Variants in CELF2 observed in about 807,000 individuals in gnomAD.
The protein encoded by CELF2 is CUGBP Elav-like family member 2.
A neutral mutation model predicts 62.6 loss-of-function variants in CELF2; 8 were observed. That is an observed-to-expected ratio of 0.13 (90% CI 0.07 to 0.23). CELF2 has a LOEUF of 0.23. Ranked by LOEUF, CELF2 falls within the 10% of genes least tolerant of loss-of-function variation. CELF2 has a pLI of 1.00. For synonymous variants in CELF2, 258 were observed against 250.0 expected (o/e 1.03, Z -0.30); for missense variants, 333 against 671.0 (o/e 0.50, Z 5.56).
In CELF2 at chr10:11,285,982, G is replaced by T. The variant is rs2091191482; in HGVS notation, c.842-2436G>T. Among the ~76,000 whole-genome samples, 1 of 152,248 alleles carries T rather than the reference G, an allele frequency of 6.6e-6. No individual in the cohort carries two copies. Among genetic ancestry groups the T allele is most frequent in the African/African-American group, 2.4e-5 (1 of 41,542 alleles). ...TACATATAAATAATGTCAACATAGGGTATGATGAGAGCCACGAAAGAGTTA... is the reference window on the plus strand; with the variant it reads ...TACATATAAATAATGTCAACATAGGTTATGATGAGAGCCACGAAAGAGTTA... On this transcript the variant is annotated intron_variant, in intron 8 of 12. Coordinates refer to ENST00000633077, the MANE Select transcript of CELF2 (RefSeq NM_001326342.2). This position sits in a 1 kb window ranked among gnomAD's most constrained non-coding sequence, Gnocchi z 4.3.
intron 2 of CELF2, among the ~76,000 whole-genome samples, chr10:10,921,857 G>T (rs1050229683): frequency 3.1e-4 from 47 of 152,304 alleles, no homozygotes; most frequent in African/African-American, 1.1e-3. Flanking sequence ...CGCCTGGCTC[G>T]TGCCTTAGTT....
At position 11,289,181 on chromosome 10, in the gene CELF2, G is replaced by GT. The variant is rs201446310; in HGVS notation, c.976+638dup. ...ATACCGTGATTTGAGGTTTTGTTTT[G>GT]TTTTTTTTTAATTTAAAAAAGTCGA... On this transcript the variant is annotated intron_variant, in intron 9 of 12. Coordinates refer to ENST00000633077, the MANE Select transcript of CELF2 (RefSeq NM_001326342.2). 3.3e-3 allele frequency among the ~76,000 whole-genome samples: 498 copies of GT among 150,932 alleles called. 2 individuals carry two copies. The highest frequency in any genetic ancestry group is 0.011 in the African/African-American group (436 of 41,090).
At chr10:10,724,140 A>C in the CELF2 span, among the ~76,000 whole-genome samples, 1 of 152,196 alleles carries the variant, frequency 6.6e-6, no homozygotes, top group East Asian at 1.9e-4. Context: ...TTTTCCATAA[A>C]AATTTCATTC....
chr10:10,737,443 T>TA, the CELF2 span, among the ~76,000 whole-genome samples: 1 of 152,154 alleles, frequency 6.6e-6, no homozygotes, highest in Non-Finnish European at 1.5e-5. Context: ...TCTTGGGTAA[T>TA]ACATTTTCTG....
At chr10:10,937,121 C>CTTTTTTTTTTTTTTTTT (rs373143426) in intron 2 of CELF2, among the ~76,000 whole-genome samples, 32 of 90,536 alleles carry the variant, frequency 3.5e-4, no homozygotes, top group African/African-American at 1.4e-3. Flanking sequence ...TTTTTCTTTT[C>CTTTTTTTTTTTTTTTTT]TTTTTTTTTT....
chr10:10,839,929 TGGTTTATCC>T (rs2058567745), intron 1 of CELF2, among the ~76,000 whole-genome samples: 2 of 152,354 alleles, frequency 1.3e-5, no homozygotes, highest in South Asian at 2.1e-4. Flanking sequence ...TTTGTAATTT[TGGTTTATCC>T]GGAATGTCAT....
the CELF2 span, among the ~76,000 whole-genome samples, chr10:10,537,516 T>A: frequency 7.8e-4 from 119 of 152,280 alleles, no homozygotes; most frequent in Non-Finnish European, 1.1e-3. Flanking sequence ...TTAAGAAAAC[T>A]GTGAAATGAA....
the CELF2 span, among the ~76,000 whole-genome samples, chr10:10,611,792 G>A: frequency 6.6e-6 from 1 of 152,162 alleles, no homozygotes; most frequent in Admixed American, 6.5e-5. Context: ...AGATATTGAT[G>A]TATAAAATCT....
chr10:10,646,583 G>T, the CELF2 span, among the ~76,000 whole-genome samples: 1 of 152,088 alleles, frequency 6.6e-6, no homozygotes, highest in Non-Finnish European at 1.5e-5. Context: ...ATTAAGAAAT[G>T]GATTACATGT....
At chr10:10,986,637 G>T (rs1379242776) in intron 2 of CELF2, among the ~76,000 whole-genome samples, 1 of 152,174 alleles carries the variant, frequency 6.6e-6, no homozygotes, top group Non-Finnish European at 1.5e-5. Context: ...TGTGACAGCT[G>T]CTTAGTGATG....
chr10:10,542,723 G>GT, the CELF2 span, among the ~76,000 whole-genome samples: 1 of 152,218 alleles, frequency 6.6e-6, no homozygotes, highest in East Asian at 1.9e-4. Context: ...TAGGGAAGCT[G>GT]TGAGTCATTG....
the CELF2 span, among the ~76,000 whole-genome samples, chr10:10,479,018 G>A: frequency 6.6e-6 from 1 of 152,174 alleles, no homozygotes; most frequent in Non-Finnish European, 1.5e-5. Context: ...TTATCTGACT[G>A]ACAGGTCGCT....
chr10:10,474,980 T>C, the CELF2 span, among the ~76,000 whole-genome samples: 1 of 152,034 alleles, frequency 6.6e-6, no homozygotes, highest in Non-Finnish European at 1.5e-5. Context: ...CAGAGGTCAA[T>C]AGGATAATGC....
chr10:11,061,993 G>T (rs1411130923), intron 1 of CELF2, among the ~76,000 whole-genome samples: 1 of 152,202 alleles, frequency 6.6e-6, no homozygotes, highest in Non-Finnish European at 1.5e-5. Context: ...TGTATTTTTA[G>T]TAGCGACGGG....
the CELF2 span, among the ~76,000 whole-genome samples, chr10:10,484,001 C>A: frequency 1.1e-5 from 1 of 88,100 alleles, no homozygotes; most frequent in East Asian, 4.2e-4. Context: ...CCCTCCCCCG[C>A]TTTCTCCCTC....
At chr10:10,920,008 G>C in intron 2 of CELF2, 1 of 1,230,504 alleles carries the variant, frequency 8.1e-7, no homozygotes, top group Non-Finnish European at 1.0e-6. Flanking sequence ...AGGTGAGCAC[G>C]CTGGCTTTGC....
chr10:11,319,012 C>T lies in CELF2; in HGVS notation c.1097-2177C>T, dbSNP rs1174940686. ...ACTGGAGACGAGCTGCTGTCTTCAG[C>T]CCGTCCTCGTCTGGCAGCAAGGCCC... On this transcript the variant is annotated intron_variant, in intron 10 of 12. Coordinates refer to ENST00000633077, the MANE Select transcript of CELF2 (RefSeq NM_001326342.2). This position sits in a 1 kb window ranked among gnomAD's most constrained non-coding sequence, Gnocchi z 4.4. The T allele has an allele frequency of 6.4e-6, 3 of 470,962 alleles. No individual in the cohort carries two copies. The highest frequency in any genetic ancestry group is 1.5e-5 in the South Asian group (1 of 64,568). The allele number at this position is 470,962 out of a possible 1,614,324, so 29.2% of individuals were successfully genotyped here.
At chr10:10,648,626 C>A in the CELF2 span, among the ~76,000 whole-genome samples, 244 of 152,190 alleles carry the variant, frequency 1.6e-3, 1 homozygote, top group Non-Finnish European at 2.9e-3. Flanking sequence ...CATGATAGAT[C>A]GTGTTCTGGA....
At chr10:10,478,025 T>A in the CELF2 span, among the ~76,000 whole-genome samples, 1 of 152,176 alleles carries the variant, frequency 6.6e-6, no homozygotes, top group African/African-American at 2.4e-5. Flanking sequence ...TACTGTTGAG[T>A]CATTGACAAG....
Sources: gnomAD v4.1 joint callset for allele counts (sites outside exome capture counted in the v4.1 genomes callset) on GRCh38, gnomAD v4.1.1 for gene constraint, Gnocchi (gnomAD v3.1) non-coding constraint, MANE v1.5 for transcripts, NCBI Gene and HGNC (gene_info 2026-07-23, HGNC 2026-07-21) for gene names.